PBX3: variants seen among roughly 807,000 people sequenced by gnomAD.
The protein encoded by PBX3 is PBX homeobox 3, also known as pre-B-cell leukemia transcription factor 3.
A neutral mutation model predicts 48.5 loss-of-function variants in PBX3; 14 were observed. The ratio of observed to expected loss-of-function variants is 0.29; its 90% confidence interval spans 0.19 to 0.45. The LOEUF is 0.45. Ranked by LOEUF, PBX3 falls within the 20% of genes least tolerant of loss-of-function variation. The pLI, the probability that PBX3 is intolerant of heterozygous loss-of-function variation, is 1.00. For synonymous variants in PBX3, 210 were observed against 200.3 expected (o/e 1.05, Z -0.41); for missense variants, 386 against 546.7 (o/e 0.71, Z 2.93).
intron 2 of PBX3, among the ~76,000 whole-genome samples, chr9:125,893,087 A>G (rs1159751340): frequency 2.0e-5 from 3 of 152,220 alleles, no homozygotes; most frequent in East Asian, 3.8e-4. Context: ...ATCATAAACA[A>G]TGGTGCAACC....
At chr9:125,963,680 G>T (rs1842476250) in intron 8 of PBX3, among the ~76,000 whole-genome samples, 1 of 152,154 alleles carries the variant, frequency 6.6e-6, no homozygotes, top group Non-Finnish European at 1.5e-5. Context: ...CTCTGGAAAA[G>T]GGGGAAGGGG....
intron 4 of PBX3, among the ~76,000 whole-genome samples, chr9:125,932,598 G>A (rs1226299517): frequency 1.3e-5 from 2 of 152,008 alleles, no homozygotes; most frequent in Non-Finnish European, 2.9e-5. Context: ...AGCATCAGAC[G>A]ACAAAAAACA....
At chr9:125,791,194 G>A (rs1167137768) in intron 2 of PBX3, among the ~76,000 whole-genome samples, 3 of 152,134 alleles carry the variant, frequency 2.0e-5, no homozygotes, top group Admixed American at 1.3e-4. Flanking sequence ...GGGATTACAG[G>A]CATGAGACAC....
chr9:125,844,295 T>G (rs1212901316), intron 2 of PBX3, among the ~76,000 whole-genome samples: 1 of 151,558 alleles, frequency 6.6e-6, no homozygotes, highest in African/African-American at 2.4e-5. Context: ...GCCACCTTTT[T>G]TTTTTTTTTT....
At chr9:125,927,594 G>A (rs1348531817) in intron 3 of PBX3, among the ~76,000 whole-genome samples, 4 of 152,148 alleles carry the variant, frequency 2.6e-5, no homozygotes, top group East Asian at 3.8e-4. Flanking sequence ...AGGGACACCC[G>A]TGCAGTAAGA....
At chr9:125,748,689 A>T in intron 2 of PBX3, 66 bp downstream of exon 2, 1 of 1,227,812 alleles carries the variant, frequency 8.1e-7, no homozygotes, top group East Asian at 2.3e-5. Flanking sequence ...TACTCCTTCG[A>T]CTCTCCAGTT....
chr9:125,830,882 T>C (rs1042855249), intron 2 of PBX3, among the ~76,000 whole-genome samples: 2 of 152,184 alleles, frequency 1.3e-5, no homozygotes, highest in Non-Finnish European at 2.9e-5. Flanking sequence ...GTGTATGTCT[T>C]ACTTTTTATT....
Position 125,866,977 on chromosome 9 carries a change from A to G in PBX3, c.275-48709A>G, listed in dbSNP as rs117353230. Among the ~76,000 whole-genome samples, 250 of 152,320 alleles carry G rather than the reference A, an allele frequency of 1.6e-3. 1 individual carries two copies. Among genetic ancestry groups the G allele is most frequent in the East Asian group, 0.016 (82 of 5,190 alleles). On this transcript the variant is annotated intron_variant, in intron 2 of 8. Transcript: ENST00000373489. ...ATTTTCATGGTTGTGTTAGGTAAAC[A>G]TAAGTTGTACTACATATGTGTAATT...
chr9:125,756,063 G>A (rs1431700734), intron 2 of PBX3, among the ~76,000 whole-genome samples: 3 of 152,086 alleles, frequency 2.0e-5, no homozygotes, highest in Admixed American at 2.0e-4. Context: ...ACTAGGGAAG[G>A]AAGGAAGAAG....
chr9:125,935,367 G>T, intron 4 of PBX3, 105 bp from the exon 5 acceptor site: 1 of 965,570 alleles, frequency 1.0e-6, no homozygotes. Flanking sequence ...CCTTAAGGAT[G>T]TTTAAAAAGA....
intron 5 of PBX3, among the ~76,000 whole-genome samples, chr9:125,952,787 A>C (rs1842220635): frequency 6.6e-6 from 1 of 152,194 alleles, no homozygotes; most frequent in African/African-American, 2.4e-5. Context: ...TATTCATTAA[A>C]ATGTATATTT....
chr9:125,783,953 G>A (rs7044841), intron 2 of PBX3, among the ~76,000 whole-genome samples: 96,235 of 151,876 alleles, frequency 0.63, 30,945 homozygotes, highest in East Asian at 0.76. Context: ...GTGAGCCGAG[G>A]TCATGCCACC....
chr9:125,922,584 A>G (rs966320878), intron 3 of PBX3, among the ~76,000 whole-genome samples: 2 of 152,206 alleles, frequency 1.3e-5, no homozygotes, highest in African/African-American at 4.8e-5. Context: ...CCAAATGTCT[A>G]TTTTAATATA....
intron 2 of PBX3, among the ~76,000 whole-genome samples, chr9:125,793,364 AAAATAT>A (rs1178571854): frequency 5.1e-5 from 3 of 59,128 alleles, no homozygotes; most frequent in African/African-American, 1.6e-4. Flanking sequence ...GGGGAAAAAA[AAAATAT>A]ATATATATAT....
intron 2 of PBX3, among the ~76,000 whole-genome samples, chr9:125,884,260 T>C (rs1840448399): frequency 6.6e-6 from 1 of 152,180 alleles, no homozygotes; most frequent in African/African-American, 2.4e-5. Flanking sequence ...CAATCTATAG[T>C]TGTCTACAAG....
At chr9:125,916,074 G>T in intron 3 of PBX3, 147 bp downstream of exon 3, 5 of 1,187,196 alleles carry the variant, frequency 4.2e-6, no homozygotes, top group Non-Finnish European at 5.8e-6. Flanking sequence ...CAAGTGAATT[G>T]TTGGATTCAT....
At chr9:125,950,204 A>C (rs1588332143) in intron 5 of PBX3, among the ~76,000 whole-genome samples, 1 of 152,340 alleles carries the variant, frequency 6.6e-6, no homozygotes, top group Non-Finnish European at 1.5e-5. Flanking sequence ...CGTTTTATAC[A>C]CTTTTGCAGA....
At chr9:125,842,105 C>T (rs868535149) in intron 2 of PBX3, among the ~76,000 whole-genome samples, 1 of 152,116 alleles carries the variant, frequency 6.6e-6, no homozygotes, top group African/African-American at 2.4e-5. Context: ...GTCAATTTGT[C>T]TTCTGCCTTC....
rs953107627 is a variant in PBX3 at position 125,877,068 on chromosome 9, G to A, written c.275-38618G>A. 1.4e-3 allele frequency among the ~76,000 whole-genome samples: 207 copies of A among 152,140 alleles called. 1 individual carries two copies. Among genetic ancestry groups the A allele is most frequent in the African/African-American group, 4.7e-3 (196 of 41,508 alleles). On this transcript the variant is annotated intron_variant, in intron 2 of 8. Coordinates refer to ENST00000373489, the MANE Select transcript of PBX3 (RefSeq NM_006195.6). ...ATTACAGGCGTGAGCCACCGTGCCG[G>A]GCACATGTATGTCTTTCTAGTGAGA...
Sources: allele counts gnomAD v4.1 joint callset (sites outside exome capture counted in the v4.1 genomes callset), GRCh38; gene constraint gnomAD v4.1.1; transcripts MANE v1.5; gene names NCBI Gene and HGNC (gene_info 2026-07-23, HGNC 2026-07-21).